POFUT3: variants seen among roughly 807,000 people sequenced by gnomAD.
The protein encoded by POFUT3 is GDP-fucose protein O-fucosyltransferase 3.
the POFUT3 span, among the ~76,000 whole-genome samples, chr8:33,380,180 ATATATATACTATATATATATAC>A: frequency 1.6e-5 from 1 of 63,692 alleles, no homozygotes; most frequent in African/African-American, 6.6e-5. Flanking sequence ...TATATACTAT[ATATATATACTATATATATATAC>A]TATATATATA....
At chr8:33,326,786 CTGTT>C in the POFUT3 span, among the ~76,000 whole-genome samples, 39,303 of 151,858 alleles carry the variant, frequency 0.26, 5,384 homozygotes, top group South Asian at 0.5. Context: ...TTTCGTTTGT[CTGTT>C]TGTTTGAAAT....
chr8:33,345,662 A>G, the POFUT3 span, among the ~76,000 whole-genome samples: 3 of 151,734 alleles, frequency 2.0e-5, no homozygotes, highest in Non-Finnish European at 4.4e-5. Context: ...AGGCCTCCCA[A>G]ACTGCTGGGA....
At chr8:33,416,254 G>T in the POFUT3 span, among the ~76,000 whole-genome samples, 2 of 152,208 alleles carry the variant, frequency 1.3e-5, no homozygotes, top group Admixed American at 1.3e-4. Flanking sequence ...CAGGAAAGTG[G>T]ATATCCACGT....
At chr8:33,401,027 C>CT in the POFUT3 span, among the ~76,000 whole-genome samples, 1 of 152,116 alleles carries the variant, frequency 6.6e-6, no homozygotes, top group Non-Finnish European at 1.5e-5. Flanking sequence ...GTCGCCCAAG[C>CT]TGGAGTACAG....
chr8:33,451,431 CGT>C, the POFUT3 span, among the ~76,000 whole-genome samples: 5 of 150,578 alleles, frequency 3.3e-5, no homozygotes, highest in Admixed American at 2.0e-4. Context: ...TGTGTATATA[CGT>C]GTGTATATAT....
chr8:33,418,730 C>G, the POFUT3 span, among the ~76,000 whole-genome samples: 1 of 152,180 alleles, frequency 6.6e-6, no homozygotes, highest in African/African-American at 2.4e-5. Flanking sequence ...TGCTGGGTAT[C>G]TTTCCAGAAG....
chr8:33,385,430 A>C, the POFUT3 span, among the ~76,000 whole-genome samples: 2 of 152,216 alleles, frequency 1.3e-5, no homozygotes, highest in Admixed American at 1.3e-4. Flanking sequence ...CGGTAGAAGC[A>C]AACAGGGTCT....
At chr8:33,382,090 C>T in the POFUT3 span, among the ~76,000 whole-genome samples, 2 of 152,100 alleles carry the variant, frequency 1.3e-5, no homozygotes, top group Admixed American at 6.5e-5. Context: ...CTAAGGACTT[C>T]GAGACCAGCC....
the POFUT3 span, among the ~76,000 whole-genome samples, chr8:33,358,231 C>T: frequency 6.6e-6 from 1 of 152,036 alleles, no homozygotes; most frequent in African/African-American, 2.4e-5. Flanking sequence ...CCAGCCTGGG[C>T]AACAGAGCAA....
At chr8:33,455,533 A>G in the POFUT3 span, among the ~76,000 whole-genome samples, 13 of 152,328 alleles carry the variant, frequency 8.5e-5, no homozygotes, top group Admixed American at 3.9e-4. Flanking sequence ...CAACAAAAAA[A>G]CAAGATTTGG....
the POFUT3 span, among the ~76,000 whole-genome samples, chr8:33,356,180 T>C: frequency 6.6e-6 from 1 of 152,226 alleles, no homozygotes; most frequent in Non-Finnish European, 1.5e-5. Context: ...CATTTGGGTA[T>C]ATACCCAGTA....
chr8:33,377,476 G>C, the POFUT3 span: 1 of 152,082 alleles, frequency 6.6e-6, no homozygotes, highest in African/African-American at 2.4e-5. Flanking sequence ...TCCCAACCCT[G>C]ACCTTGCATA....
chr8:33,320,083 TAAGAA>T, the POFUT3 span, among the ~76,000 whole-genome samples: 1 of 151,900 alleles, frequency 6.6e-6, no homozygotes, highest in Non-Finnish European at 1.5e-5. Context: ...TTTGGGTATC[TAAGAA>T]CAGAGACTAT....
At chr8:33,462,698 G>A in the POFUT3 span, among the ~76,000 whole-genome samples, 2 of 151,944 alleles carry the variant, frequency 1.3e-5, no homozygotes, top group Admixed American at 1.3e-4. Flanking sequence ...GGGAGGCCAA[G>A]GCAGGAGGAT....
chr8:33,318,372 C>T, the POFUT3 span, among the ~76,000 whole-genome samples: 1 of 148,450 alleles, frequency 6.7e-6, no homozygotes, highest in Non-Finnish European at 1.5e-5. Context: ...CATTCCCTTG[C>T]ACAAAAAGGG....
the POFUT3 span, among the ~76,000 whole-genome samples, chr8:33,331,656 T>C: frequency 6.6e-6 from 1 of 151,774 alleles, no homozygotes; most frequent in African/African-American, 2.4e-5. Context: ...ACTCTATCTC[T>C]AAAGATTTTG....
At chr8:33,417,606 A>T in the POFUT3 span, among the ~76,000 whole-genome samples, 1 of 152,168 alleles carries the variant, frequency 6.6e-6, no homozygotes, top group Non-Finnish European at 1.5e-5. Context: ...AGGATATCTG[A>T]AGCTCCACGA....
At chr8:33,402,639 A>G in the POFUT3 span, among the ~76,000 whole-genome samples, 16 of 152,242 alleles carry the variant, frequency 1.1e-4, no homozygotes, top group Non-Finnish European at 2.1e-4. Context: ...TATAAATTGT[A>G]TTTTATATGC....
the POFUT3 span, among the ~76,000 whole-genome samples, chr8:33,373,282 T>C: frequency 6.6e-6 from 1 of 152,180 alleles, no homozygotes; most frequent in Non-Finnish European, 1.5e-5. Context: ...AATATACTTA[T>C]ATGTTATTGT....
Sources: gnomAD v4.1 joint callset for allele counts (sites outside exome capture counted in the v4.1 genomes callset) on GRCh38, gnomAD v4.1.1 for gene constraint, MANE v1.5 for transcripts, NCBI Gene and HGNC (gene_info 2026-07-23, HGNC 2026-07-21) for gene names.